Variants in PHACTR3 observed in about 807,000 individuals in gnomAD.
The protein encoded by PHACTR3 is phosphatase and actin regulator 3, also known as protein phosphatase 1, regulatory subunit 123.
Under a neutral mutation model 66.8 loss-of-function variants are expected in PHACTR3, and 16 were observed. The observed-to-expected ratio is 0.24, with a 90% CI of 0.16 to 0.36. The LOEUF is 0.36. Among genes scored for constraint, PHACTR3 ranks in the 10% least tolerant of loss-of-function variants. PHACTR3 has a pLI of 1.00. For synonymous variants in PHACTR3, 323 were observed against 292.1 expected (o/e 1.11, Z -1.08); for missense variants, 647 against 719.9 (o/e 0.90, Z 1.16).
intron 1 of PHACTR3, among the ~76,000 whole-genome samples, chr20:59,608,663 CCT>C (rs753104463): frequency 4.6e-5 from 7 of 152,300 alleles, no homozygotes; most frequent in Non-Finnish European, 7.4e-5. Context: ...CCAGCCATCC[CCT>C]GTCCCTTGGC....
chr20:59,824,033 C>T (rs2042118561), intron 8 of PHACTR3, among the ~76,000 whole-genome samples: 1 of 152,198 alleles, frequency 6.6e-6, no homozygotes, highest in African/African-American at 2.4e-5. Flanking sequence ...TGGCTGGAGC[C>T]ACTGAAGGAT....
At chr20:59,693,009 T>C (rs1181233204) in intron 1 of PHACTR3, among the ~76,000 whole-genome samples, 1 of 152,204 alleles carries the variant, frequency 6.6e-6, no homozygotes, top group African/African-American at 2.4e-5. Context: ...GGTGCGTGGC[T>C]GTCTTCTCTT....
intron 7 of PHACTR3, among the ~76,000 whole-genome samples, chr20:59,783,462 C>T (rs1601347094): frequency 8.0e-6 from 1 of 124,622 alleles, no homozygotes; most frequent in East Asian, 2.8e-4. Flanking sequence ...TTTGTTTGAG[C>T]TATTATTTCC....
intron 1 of PHACTR3, among the ~76,000 whole-genome samples, chr20:59,695,525 T>C (rs2037262716): frequency 6.6e-6 from 1 of 152,176 alleles, no homozygotes; most frequent in African/African-American, 2.4e-5. Context: ...AATTACCCAG[T>C]CTCAGGTAGT....
chr20:59,687,109 G>A (rs944754799), intron 1 of PHACTR3, among the ~76,000 whole-genome samples: 1 of 147,244 alleles, frequency 6.8e-6, no homozygotes, highest in Non-Finnish European at 1.5e-5. Flanking sequence ...GGTGATAGTG[G>A]TGGTGACGGT....
At chr20:59,765,183 A>C (rs993884499) in intron 4 of PHACTR3, among the ~76,000 whole-genome samples, 1 of 152,254 alleles carries the variant, frequency 6.6e-6, no homozygotes, top group Non-Finnish European at 1.5e-5. Flanking sequence ...AAGTGAAACA[A>C]CTAATCAGAG....
At chr20:59,831,502 TTCCCCAGCTCCAGGCG>T (rs1444100502) in intron 8 of PHACTR3, among the ~76,000 whole-genome samples, 1 of 152,136 alleles carries the variant, frequency 6.6e-6, no homozygotes, top group Non-Finnish European at 1.5e-5. Flanking sequence ...AGACTGTGGC[TTCCCCAGCTCCAGGCG>T]GCACCAGGAC....
chr20:59,787,239 G>C (rs1185314226), intron 7 of PHACTR3, among the ~76,000 whole-genome samples: 1 of 152,222 alleles, frequency 6.6e-6, no homozygotes, highest in Non-Finnish European at 1.5e-5. Context: ...TACATCCATG[G>C]GCACAGGCGT....
At chr20:59,768,783 G>A (rs1394129070) in intron 5 of PHACTR3, among the ~76,000 whole-genome samples, 1 of 152,218 alleles carries the variant, frequency 6.6e-6, no homozygotes, top group African/African-American at 2.4e-5. Context: ...TTTCAGTGGG[G>A]CATTTTCCTT....
intron 1 of PHACTR3, among the ~76,000 whole-genome samples, chr20:59,713,380 C>T (rs2146652986): frequency 6.6e-6 from 1 of 152,328 alleles, no homozygotes; most frequent in Non-Finnish European, 1.5e-5. Context: ...ATATGACCCT[C>T]ACATAACAAA....
chr20:59,671,509 G>T (rs982019152), intron 1 of PHACTR3, among the ~76,000 whole-genome samples: 5 of 152,226 alleles, frequency 3.3e-5, no homozygotes, highest in Non-Finnish European at 5.9e-5. Context: ...AGGTCAGCCT[G>T]CAGACTTGGT....
At chr20:59,796,886 C>T (rs1227422925) in intron 7 of PHACTR3, among the ~76,000 whole-genome samples, 1 of 152,140 alleles carries the variant, frequency 6.6e-6, no homozygotes, top group Non-Finnish European at 1.5e-5. Context: ...TCTGGATGTC[C>T]ATCTCTCTGC....
intron 1 of PHACTR3, among the ~76,000 whole-genome samples, chr20:59,718,271 C>T (rs1290563366): frequency 6.6e-6 from 1 of 152,204 alleles, no homozygotes; most frequent in Admixed American, 6.5e-5. Context: ...GCCACCAGTT[C>T]CTCTCCTGGT....
chr20:59,602,618 T>TC (rs540492283), upstream of PHACTR3, among the ~76,000 whole-genome samples: 921 of 151,846 alleles, frequency 6.1e-3, 5 homozygotes, highest in Non-Finnish European at 0.011. Flanking sequence ...ATCTTTCTCC[T>TC]CCCCCCCACC....
intron 1 of PHACTR3, among the ~76,000 whole-genome samples, chr20:59,731,887 T>A (rs2038778607): frequency 6.6e-6 from 1 of 152,178 alleles, no homozygotes; most frequent in Admixed American, 6.5e-5. Flanking sequence ...GATAAAAGAC[T>A]TTTATAGTCC....
intron 1 of PHACTR3, among the ~76,000 whole-genome samples, chr20:59,585,066 G>A (rs2032981740): frequency 6.6e-6 from 1 of 152,242 alleles, no homozygotes; most frequent in Admixed American, 6.5e-5. Context: ...GGGAACGTGA[G>A]CGGGGCCTCG....
In PHACTR3 at chr20:59,656,502, C is replaced by T. The variant is rs1120467; in HGVS notation, c.118+51370C>T. Among the ~76,000 whole-genome samples the T allele has an allele frequency of 7.6e-3, 1,160 of 151,968 alleles. 16 individuals carry two copies. Among genetic ancestry groups the T allele is most frequent in the African/African-American group, 0.026 (1,091 of 41,516 alleles). On this transcript the variant is annotated intron_variant, in intron 1 of 12. Coordinates refer to ENST00000371015, the MANE Select transcript of PHACTR3 (RefSeq NM_080672.5). ...GCTGTTTGCATGCTATATCTTTTTCCATTCTTTACTTCAAACTGTTTGTAT... is the reference window on the plus strand; with the variant it reads ...GCTGTTTGCATGCTATATCTTTTTCTATTCTTTACTTCAAACTGTTTGTAT...
intron 1 of PHACTR3, among the ~76,000 whole-genome samples, chr20:59,678,838 G>A (rs2036541532): frequency 6.6e-6 from 1 of 152,014 alleles, no homozygotes. Flanking sequence ...CCTTCTGCCG[G>A]ACCAGAAGGC....
chr20:59,660,442 C>T (rs975563544), intron 1 of PHACTR3, among the ~76,000 whole-genome samples: 3 of 152,170 alleles, frequency 2.0e-5, no homozygotes, highest in South Asian at 2.1e-4. Flanking sequence ...TGCAGTGAGC[C>T]GAGATTGCGC....
Sources: gnomAD v4.1 joint callset for allele counts (sites outside exome capture counted in the v4.1 genomes callset) on GRCh38, gnomAD v4.1.1 for gene constraint, MANE v1.5 for transcripts, NCBI Gene and HGNC (gene_info 2026-07-23, HGNC 2026-07-21) for gene names.